Variants in PRR5 observed in about 807,000 individuals in gnomAD.
The protein encoded by PRR5 is proline-rich protein 5.
A neutral mutation model predicts 30.6 loss-of-function variants in PRR5; 25 were observed. The ratio of observed to expected loss-of-function variants is 0.82; its 90% CI spans 0.60 to 1.14. PRR5 has a LOEUF of 1.14. Ranked by LOEUF, PRR5 falls within the 50% of genes most tolerant of loss-of-function variation. PRR5 has a pLI of 0.00. For synonymous variants in PRR5, 286 were observed against 247.1 expected (o/e 1.16, Z -1.48); for missense variants, 600 against 547.1 (o/e 1.10, Z -0.96).
At chr22:44,726,712 G>C in intron 4 of PRR5, 78 bp downstream of exon 4, 1 of 1,601,720 alleles carries the variant, frequency 6.2e-7, no homozygotes, top group Non-Finnish European at 8.5e-7. Context: ...GCCTCGTGCT[G>C]GGGGCCTCTG....
At chr22:44,717,742 G>A (rs1427901751) in intron 2 of PRR5, among the ~76,000 whole-genome samples, 1 of 149,668 alleles carries the variant, frequency 6.7e-6, no homozygotes, top group Non-Finnish European at 1.5e-5. Flanking sequence ...TTGAGACGGA[G>A]TTTCACTCTT....
chr22:44,707,814 G>A (rs995741095), intron 1 of PRR5, among the ~76,000 whole-genome samples: 1 of 152,216 alleles, frequency 6.6e-6, no homozygotes, highest in African/African-American at 2.4e-5. Context: ...GGGCCAGAGG[G>A]CCTCAACCAT....
intron 2 of PRR5, among the ~76,000 whole-genome samples, chr22:44,719,089 C>CTTT (rs5845664): frequency 0.018 from 2,530 of 144,524 alleles, 84 homozygotes; most frequent in African/African-American, 0.061. Flanking sequence ...TTTGCATAAT[C>CTTT]TTTTTTTTTT....
intron 6 of PRR5, among the ~76,000 whole-genome samples, chr22:44,733,352 G>A (rs1032421118): frequency 1.4e-4 from 21 of 152,260 alleles, no homozygotes; most frequent in Non-Finnish European, 4.4e-5. Context: ...TGCTTGCTAT[G>A]AGCTAATAAG....
At chr22:44,685,554 G>T (rs77226065) in intron 1 of PRR5, among the ~76,000 whole-genome samples, 6 of 130,820 alleles carry the variant, frequency 4.6e-5, no homozygotes, top group East Asian at 2.8e-4. Context: ...CACCCCTCTC[G>T]CCAGTGAAAG....
upstream of PRR5, among the ~76,000 whole-genome samples, chr22:44,676,479 G>A (rs964353507): frequency 2.6e-5 from 4 of 151,690 alleles, no homozygotes; most frequent in African/African-American, 9.7e-5. Context: ...CAGAGAGTGT[G>A]ATGGCCCTCC....
intron 7 of PRR5, among the ~76,000 whole-genome samples, chr22:44,735,794 C>T (rs1923123215): frequency 6.6e-6 from 1 of 152,234 alleles, no homozygotes. Context: ...TGGGGCAAGG[C>T]CCGCTTGGGA....
In PRR5 at chr22:44,702,403, G is replaced by A. The variant is rs942916651; in HGVS notation, c.-72G>A. On this transcript the variant is annotated 5_prime_UTR_variant, in exon 1 of 8. Transcript: ENST00000336985. ...GTAGAGGGCGCATCGCCGGCCCGGG[G>A]CCCTTGGTGCGGCGTGGCGCAGGGC... 41 of 1,228,884 alleles carry A rather than the reference G, an allele frequency of 3.3e-5. No homozygotes were observed. The highest frequency in any genetic ancestry group is 4.2e-5 in the Non-Finnish European group (41 of 983,762). The allele number at this position is 1,228,884 out of a possible 1,614,324, so 76.1% of individuals were successfully genotyped here.
rs1926450120 is a variant in PRR5 at position 44,702,340 on chromosome 22, A to G, written c.-135A>G. 1 of 1,170,344 alleles carries G rather than the reference A, an allele frequency of 8.5e-7. No individual in the cohort carries two copies. The allele number at this position is 1,170,344 out of a possible 1,614,324, so 72.5% of individuals were successfully genotyped here. A position where few individuals can be genotyped will look rare whatever the true frequency, so the allele number is the denominator to read the frequency against. ...GCGCGGGGCCGGGGCGGGACCCCGCAGGACCGCTCGGCTTCCTGCTCTCGC... is the reference window on the plus strand; with the variant it reads ...GCGCGGGGCCGGGGCGGGACCCCGCGGGACCGCTCGGCTTCCTGCTCTCGC... On this transcript the variant is annotated 5_prime_UTR_variant, in exon 1 of 8. Coordinates refer to ENST00000336985, the MANE Select transcript of PRR5 (RefSeq NM_181333.4).
At chr22:44,710,739 G>C (rs1003475432) in intron 1 of PRR5, among the ~76,000 whole-genome samples, 1 of 152,182 alleles carries the variant, frequency 6.6e-6, no homozygotes, top group Admixed American at 6.5e-5. Flanking sequence ...GCGGGTGCCA[G>C]GCTGTGTGCC....
chr22:44,673,150 C>G (rs1923521487), upstream of PRR5, among the ~76,000 whole-genome samples: 1 of 152,220 alleles, frequency 6.6e-6, no homozygotes, highest in African/African-American at 2.4e-5. Context: ...GAAGAGAATC[C>G]AGGCCAGAGA....
At chr22:44,690,643 T>A (rs1411558485) in intron 1 of PRR5, among the ~76,000 whole-genome samples, 1 of 152,188 alleles carries the variant, frequency 6.6e-6, no homozygotes, top group Non-Finnish European at 1.5e-5. Context: ...GGTCGACATC[T>A]ATTAAGTGGT....
In PRR5 at chr22:44,726,635, G is replaced by A; in HGVS notation, c.322+1G>A. The A allele has an allele frequency of 6.2e-6, 10 of 1,614,108 alleles. No individual in the cohort carries two copies. The highest frequency in any genetic ancestry group is 8.5e-6 in the Non-Finnish European group (10 of 1,180,048). On this transcript the variant is annotated splice_donor_variant, in intron 4 of 7. Coordinates refer to ENST00000336985, the MANE Select transcript of PRR5 (RefSeq NM_181333.4). LOFTEE classifies it high-confidence loss of function. ...CGGGACAAGATTCGCTTCTATGAGG[G>A]TGAGTGTGGGCCCCTTGGCGGCCAC...
chr22:44,728,195 G>A (rs188359347), intron 4 of PRR5, among the ~76,000 whole-genome samples: 15 of 152,334 alleles, frequency 9.8e-5, no homozygotes, highest in Admixed American at 2.0e-4. Flanking sequence ...TGCCTCGCCA[G>A]CCCTTCCTGG....
chr22:44,725,755 C>T (rs1445918103), intron 3 of PRR5, among the ~76,000 whole-genome samples: 1 of 152,188 alleles, frequency 6.6e-6, no homozygotes, highest in Non-Finnish European at 1.5e-5. Flanking sequence ...ACCTCTGCCT[C>T]CCGGGTTCAA....
chr22:44,695,592 G>GT (rs1925673759), intron 1 of PRR5, among the ~76,000 whole-genome samples: 1 of 151,938 alleles, frequency 6.6e-6, no homozygotes, highest in South Asian at 2.1e-4. Flanking sequence ...TTGTTTGTTT[G>GT]TTTTTTGTTT....
upstream of PRR5, among the ~76,000 whole-genome samples, chr22:44,700,639 C>T (rs1049647213): frequency 3.9e-5 from 6 of 152,148 alleles, no homozygotes; most frequent in African/African-American, 9.7e-5. Context: ...GAAAAGAAAA[C>T]GTGTACAGCA....
At chr22:44,723,778 C>T (rs1023362131) in intron 2 of PRR5, among the ~76,000 whole-genome samples, 5 of 152,138 alleles carry the variant, frequency 3.3e-5, no homozygotes, top group African/African-American at 1.2e-4. Context: ...AGTGTTTGCC[C>T]GTTCAGAACA....
intron 1 of PRR5, among the ~76,000 whole-genome samples, chr22:44,709,152 G>A (rs1927747729): frequency 6.6e-6 from 1 of 151,958 alleles, no homozygotes; most frequent in African/African-American, 2.4e-5. Context: ...CCAGTGAGGG[G>A]GCCTGTGTTC....
Sources: allele counts gnomAD v4.1 joint callset (sites outside exome capture counted in the v4.1 genomes callset), GRCh38; gene constraint gnomAD v4.1.1; transcripts MANE v1.5; gene names NCBI Gene and HGNC (gene_info 2026-07-23, HGNC 2026-07-21).